Variants in BARX2 observed in about 807,000 individuals in gnomAD.
The protein encoded by BARX2 is BARX homeobox 2.
BARX2 carries 11 observed loss-of-function variants against 25.5 expected under a neutral mutation model. The ratio of observed to expected loss-of-function variants is 0.43; its 90% CI spans 0.27 to 0.71. The LOEUF is 0.71. BARX2 is among the 30% of genes least tolerant of loss of function. BARX2 has a pLI of 0.19. For missense variants in BARX2, 360 were observed against 359.9 expected (o/e 1.00, Z 0.00); for synonymous variants, 137 against 149.5 (o/e 0.92, Z 0.61).
intron 1 of BARX2, among the ~76,000 whole-genome samples, chr11:129,428,796 A>G (rs1311165896): frequency 6.6e-6 from 1 of 152,128 alleles, no homozygotes; most frequent in Non-Finnish European, 1.5e-5. Context: ...TTTGTTGACA[A>G]TGGTGATCCT....
intron 1 of BARX2, among the ~76,000 whole-genome samples, chr11:129,398,591 C>T (rs1861745650): frequency 6.6e-6 from 1 of 152,212 alleles, no homozygotes; most frequent in Non-Finnish European, 1.5e-5. Context: ...ATTCACAGTT[C>T]ATGGCAAAGC....
At chr11:129,399,116 G>C (rs887947287) in intron 1 of BARX2, among the ~76,000 whole-genome samples, 3 of 152,204 alleles carry the variant, frequency 2.0e-5, no homozygotes, top group African/African-American at 7.2e-5. Flanking sequence ...CCCTGGGTCA[G>C]CTCAGATTGG....
At chr11:129,418,463 C>G (rs1861968351) in intron 1 of BARX2, among the ~76,000 whole-genome samples, 1 of 152,222 alleles carries the variant, frequency 6.6e-6, no homozygotes, top group Non-Finnish European at 1.5e-5. Context: ...AGCACTGAAA[C>G]TAGAGTGCCT....
At chr11:129,438,370 T>G (rs895094241) in intron 2 of BARX2, 1 of 152,014 alleles carries the variant, frequency 6.6e-6, no homozygotes, top group African/African-American at 2.4e-5. Context: ...CTCATCTTGT[T>G]CTTTCAGACT....
rs1862395402 is a variant in BARX2 at position 129,451,231 on chromosome 11, G to C, written c.669G>C (p.Lys223Asn). The C allele has an allele frequency of 6.2e-7, 1 of 1,614,200 alleles. No homozygotes were observed. The change falls in exon 4 of 4, where the codon AAG (lysine) becomes AAC (asparagine). Residue 223 changes from lysine to asparagine, a missense_variant. This residue lies in a region of BARX2 where 114 missense variants were observed against 109.4 expected (regional missense o/e 1.04). Coordinates refer to ENST00000281437, the MANE Select transcript of BARX2 (RefSeq NM_003658.5). Reference sequence around the variant, plus strand: ...CAGAAGAGATTGAAGCTGAAGAGAAGATGAACAGCCAGGCCCAGGGTCAGG... The same window carrying C: ...CAGAAGAGATTGAAGCTGAAGAGAACATGAACAGCCAGGCCCAGGGTCAGG... ...PTSEEIEAEEKMNSQAQGQEQ... is the reference protein window; with the variant it reads ...PTSEEIEAEENMNSQAQGQEQ...
intron 1 of BARX2, among the ~76,000 whole-genome samples, chr11:129,425,914 C>A (rs573428875): frequency 6.6e-6 from 1 of 151,146 alleles, no homozygotes; most frequent in African/African-American, 2.4e-5. Flanking sequence ...ATTCCAGAGT[C>A]TCTATCATGG....
intron 1 of BARX2, among the ~76,000 whole-genome samples, chr11:129,387,316 G>C (rs895632013): frequency 6.6e-6 from 1 of 152,172 alleles, no homozygotes; most frequent in Non-Finnish European, 1.5e-5. Flanking sequence ...AAAATGCGGA[G>C]GACTTCCTCC....
chr11:129,382,425 C>A (rs1381726269), intron 1 of BARX2, among the ~76,000 whole-genome samples: 1 of 152,136 alleles, frequency 6.6e-6, no homozygotes, highest in Non-Finnish European at 1.5e-5. Flanking sequence ...GTGATCTGCC[C>A]GCTTTGGCCT....
chr11:129,428,814 T>C lies in BARX2; in HGVS notation c.188-7937T>C, dbSNP rs190375829. 1.5e-3 allele frequency among the ~76,000 whole-genome samples: 235 copies of C among 152,268 alleles called. 1 individual carries two copies. The highest frequency in any genetic ancestry group is 5.4e-3 in the African/African-American group (225 of 41,560). On this transcript the variant is annotated intron_variant, in intron 1 of 3. Transcript: ENST00000281437. The stretch of plus-strand genomic sequence containing the variant: ...GTTGACAATGGTGATCCTTTTAAGA[T>C]CCTGAAATGTTTCTCAGCATCACGG...
intron 1 of BARX2, among the ~76,000 whole-genome samples, chr11:129,398,367 CT>C (rs1210365902): frequency 3.2e-4 from 48 of 152,164 alleles, no homozygotes; most frequent in African/African-American, 1.1e-3. Flanking sequence ...TAATGCGCCC[CT>C]GGAGTAGCAT....
chr11:129,448,858 A>G (rs1217108489), intron 3 of BARX2, among the ~76,000 whole-genome samples: 1 of 152,250 alleles, frequency 6.6e-6, no homozygotes, highest in African/African-American at 2.4e-5. Context: ...ATAAAATGGA[A>G]TATTATTTAC....
At chr11:129,394,142 A>C (rs1861694354) in intron 1 of BARX2, among the ~76,000 whole-genome samples, 1 of 152,150 alleles carries the variant, frequency 6.6e-6, no homozygotes, top group Non-Finnish European at 1.5e-5. Context: ...ATATAGATGG[A>C]ATCACACTAT....
intron 1 of BARX2, among the ~76,000 whole-genome samples, chr11:129,412,595 T>C (rs1345396872): frequency 2.0e-5 from 3 of 152,120 alleles, no homozygotes; most frequent in Non-Finnish European, 2.9e-5. Flanking sequence ...TATATGCAAA[T>C]TAAGGGGCAA....
intron 1 of BARX2, among the ~76,000 whole-genome samples, chr11:129,405,980 A>G (rs1327957218): frequency 6.6e-6 from 1 of 152,200 alleles, no homozygotes; most frequent in African/African-American, 2.4e-5. Flanking sequence ...GTCTTGCTTT[A>G]TAGGTACCTA....
chr11:129,382,087 A>G (rs1414429804), intron 1 of BARX2, among the ~76,000 whole-genome samples: 1 of 152,246 alleles, frequency 6.6e-6, no homozygotes, highest in Non-Finnish European at 1.5e-5. Context: ...TTTAGGTGTT[A>G]TTTGCACTTT....
intron 1 of BARX2, among the ~76,000 whole-genome samples, chr11:129,416,131 C>T (rs183163335): frequency 2.6e-5 from 4 of 152,320 alleles, no homozygotes; most frequent in East Asian, 3.9e-4. Flanking sequence ...ACTTGGCCTT[C>T]GGGTGTGTTC....
chr11:129,427,726 A>T (rs1372525070), intron 1 of BARX2, among the ~76,000 whole-genome samples: 4 of 152,182 alleles, frequency 2.6e-5, no homozygotes, highest in African/African-American at 4.8e-5. Flanking sequence ...TTTTGCCCTG[A>T]GGTTCAAGTA....
At chr11:129,409,845 T>C (rs1352288050) in intron 1 of BARX2, among the ~76,000 whole-genome samples, 5 of 152,334 alleles carry the variant, frequency 3.3e-5, no homozygotes, top group Admixed American at 6.5e-5. Flanking sequence ...TATTCTGTTA[T>C]AGTCTTTTAT....
chr11:129,385,183 C>T (rs1861605805), intron 1 of BARX2, among the ~76,000 whole-genome samples: 1 of 152,160 alleles, frequency 6.6e-6, no homozygotes, highest in Non-Finnish European at 1.5e-5. Flanking sequence ...AACAGGCATT[C>T]TCCACACTCC....
Sources: allele counts gnomAD v4.1 joint callset (sites outside exome capture counted in the v4.1 genomes callset), GRCh38; gene constraint gnomAD v4.1.1; regional missense constraint gnomAD v4.1.1; transcripts MANE v1.5; gene names NCBI Gene and HGNC (gene_info 2026-07-23, HGNC 2026-07-21).